Variants in WASHC2C observed in about 807,000 individuals in gnomAD.
WASHC2C encodes WASH complex subunit 2C.
In WASHC2C, 73 loss-of-function variants were observed where a neutral mutation model predicts 142.2. The ratio of observed to expected loss-of-function variants is 0.51; its 90% CI spans 0.43 to 0.62. The LOEUF (loss-of-function observed/expected upper bound fraction) is 0.62. Among genes scored for constraint, WASHC2C ranks in the 20% least tolerant of loss-of-function variants. WASHC2C has a pLI of 0.00. For missense variants in WASHC2C, 969 were observed against 1,531.7 expected (o/e 0.63, Z 6.13); for synonymous variants, 337 against 565.5 (o/e 0.60, Z 5.73).
At position 45,751,741 on chromosome 10, in the gene WASHC2C, G is replaced by T. The variant is rs575311424; in HGVS notation, c.1003+188G>T. ...ACATGTAATCCCAGCGCTTTGGGAG[G>T]CCGAGGCGGGTGGATCATGAGGTCA... is the stretch of plus-strand genomic sequence containing the variant. On this transcript the variant is annotated intron_variant, in intron 11 of 30. Coordinates refer to ENST00000623400, the MANE Select transcript of WASHC2C (RefSeq NM_001330074.2). Among the ~76,000 whole-genome samples the T allele has an allele frequency of 2.0e-5, 3 of 152,322 alleles. No homozygotes were observed. The South Asian group carries it at 6.2e-4, about 32-fold the overall frequency.
rs536501609 is a variant in WASHC2C, at chr10:45,731,313, C to T, written c.291+2287C>T. ...TCGGCTCACTGCAACATCCGCCTCC[C>T]GTGTTCAAGCAATTCTCCTGCCCAC... is the stretch of plus-strand genomic sequence containing the variant. On this transcript the variant is annotated intron_variant, in intron 3 of 30. Transcript: ENST00000623400. Among the ~76,000 whole-genome samples, 34 of 132,832 alleles carry T rather than the reference C, an allele frequency of 2.6e-4. No homozygotes were observed. The East Asian group carries it at 2.6e-3, about 10-fold the overall frequency. The allele number at this position is 132,832 out of a possible 152,430, so 87.1% of individuals were successfully genotyped here. A position where few individuals can be genotyped will look rare whatever the true frequency, so the allele number is the denominator to read the frequency against.
Position 45,784,301 on chromosome 10 carries a change from T to TATAC in WASHC2C, c.2479-261_2479-260insCATA, listed in dbSNP as rs1564820642. 4.1e-3 allele frequency among the ~76,000 whole-genome samples: 330 copies of TATAC among 79,794 alleles called. 1 individual carries two copies. Among genetic ancestry groups the TATAC allele is most frequent in the African/African-American group, 0.015 (299 of 20,014 alleles). The allele number at this position is 79,794 out of a possible 152,430, so 52.3% of individuals were successfully genotyped here. ...ATATATATATATATACACATATATA[T>TATAC]ATATATATATACACACACATATATA... On this transcript the variant is annotated intron_variant, in intron 23 of 30. Transcript: ENST00000623400.
At chr10:45,731,590 C>T (rs1330007548) in intron 3 of WASHC2C, among the ~76,000 whole-genome samples, 1 of 150,154 alleles carries the variant, frequency 6.7e-6, no homozygotes, top group Non-Finnish European at 1.5e-5. Context: ...TGCCCCTTCG[C>T]CTTCCAGTCT....
chr10:45,785,543 A>G lies in WASHC2C; in HGVS notation c.2723A>G (p.His908Arg). ...AAAAAGAGAGTAGTGAAAAAAGACC[A>G]CTCTGTTAACTCTTTCAAAAACCAG... is the stretch of plus-strand genomic sequence containing the variant. The part of the protein sequence containing the change: ...QEKKRVVKKD[H>R]SVNSFKNQKH... Residue 908 changes from histidine (H) to arginine (R), a missense_variant, in exon 26 of 31, where the codon CAC (histidine) becomes CGC (arginine). By Grantham distance (29) the His-to-Arg change is conservative (BLOSUM62 0). Coordinates refer to ENST00000623400, the MANE Select transcript of WASHC2C (RefSeq NM_001330074.2). 6.2e-7 allele frequency: 1 copy of G among 1,613,872 alleles called. No homozygotes were observed. Among genetic ancestry groups the G allele is most frequent in the Non-Finnish European group, 8.5e-7 (1 of 1,179,852 alleles).
chr10:45,758,606 C>CTT (rs60416109), intron 16 of WASHC2C, among the ~76,000 whole-genome samples: 35 of 128,128 alleles, frequency 2.7e-4, no homozygotes, highest in Non-Finnish European at 2.9e-4. Flanking sequence ...CATTCTTCTT[C>CTT]TTTTTTTTTT....
chr10:45,779,141 C>A lies in WASHC2C; in HGVS notation c.2478+6C>A. ...CACAGAAAGAAGTAGGAAAGGTAAG[C>A]AAAAAGCAGTAGTGGTTCAAGTCTC... is the stretch of plus-strand genomic sequence containing the variant. On this transcript the variant is annotated splice_donor_region_variant and intron_variant, in intron 23 of 30. Coordinates refer to ENST00000623400, the MANE Select transcript of WASHC2C (RefSeq NM_001330074.2). The A allele has an allele frequency of 6.2e-7, 1 of 1,611,760 alleles. No individual in the cohort carries two copies. Among genetic ancestry groups the A allele is most frequent in the South Asian group, 1.1e-5 (1 of 90,970 alleles).
At chr10:45,784,317 CACAT>C (rs373030010) in intron 23 of WASHC2C, among the ~76,000 whole-genome samples, 3,241 of 57,252 alleles carry the variant, frequency 0.057, 114 homozygotes, top group East Asian at 0.094. Flanking sequence ...TATATACACA[CACAT>C]ATATATATAT....
intron 18 of WASHC2C, among the ~76,000 whole-genome samples, chr10:45,765,431 G>T (rs541106214): frequency 1.1e-3 from 159 of 150,018 alleles, no homozygotes; most frequent in African/African-American, 3.7e-3. Context: ...GATCTCATTT[G>T]CATGTTGTTC....
intron 7 of WASHC2C, 151 bp from the exon 8 acceptor site, chr10:45,746,449 G>C: frequency 1.1e-6 from 1 of 930,378 alleles, no homozygotes; most frequent in Non-Finnish European, 1.8e-6. Context: ...GATACTTAAG[G>C]TGACCAGTAG....
chr10:45,762,455 C>G (rs2055237369), intron 17 of WASHC2C, among the ~76,000 whole-genome samples: 1 of 151,840 alleles, frequency 6.6e-6, no homozygotes, highest in Non-Finnish European at 1.5e-5. Context: ...CCCAGCCTCC[C>G]AAAATGCTGG....
intron 15 of WASHC2C, among the ~76,000 whole-genome samples, chr10:45,755,427 C>G (rs1180183211): frequency 1.6e-4 from 25 of 152,288 alleles, no homozygotes; most frequent in African/African-American, 5.3e-4. Context: ...TTTTAATCAT[C>G]CTTTCTTCCA....
intron 17 of WASHC2C, among the ~76,000 whole-genome samples, chr10:45,762,551 A>G (rs1447693658): frequency 2.0e-5 from 3 of 152,256 alleles, no homozygotes; most frequent in Non-Finnish European, 2.9e-5. Flanking sequence ...TCATATACCT[A>G]TAGTTAAGCT....
At chr10:45,791,527 T>G (rs1238056882) in intron 30 of WASHC2C, among the ~76,000 whole-genome samples, 3 of 146,344 alleles carry the variant, frequency 2.0e-5, no homozygotes, top group Admixed American at 1.4e-4. Flanking sequence ...TTAATGTCTT[T>G]TCATGTCAGT....
rs1325617481 is a variant in WASHC2C at position 45,740,700 on chromosome 10, G to A, written c.528+454G>A. On this transcript the variant is annotated intron_variant, in intron 5 of 30. Coordinates refer to ENST00000623400, the MANE Select transcript of WASHC2C (RefSeq NM_001330074.2). ...AGGAAGACTGCAGAAGAACTGAAAG[G>A]CATTTGGGTTGTTTCCGGTTTGGGC... Among the ~76,000 whole-genome samples the A allele has an allele frequency of 2.2e-3, 331 of 152,276 alleles. 1 individual carries two copies. The highest frequency in any genetic ancestry group is 7.6e-3 in the African/African-American group (316 of 41,544).
intron 19 of WASHC2C, among the ~76,000 whole-genome samples, chr10:45,768,661 T>TA (rs1432436029): frequency 1.3e-5 from 2 of 152,216 alleles, no homozygotes; most frequent in Non-Finnish European, 2.9e-5. Context: ...AGACTTGTGG[T>TA]AAAAGGATTA....
At chr10:45,782,494 T>C (rs1554888314) in intron 23 of WASHC2C, among the ~76,000 whole-genome samples, 3 of 148,774 alleles carry the variant, frequency 2.0e-5, no homozygotes, top group Non-Finnish European at 4.5e-5. Flanking sequence ...TAAATGGAAA[T>C]TCTCATTCCT....
intron 4 of WASHC2C, among the ~76,000 whole-genome samples, chr10:45,738,571 T>G (rs1402682099): frequency 6.6e-6 from 1 of 151,992 alleles, no homozygotes; most frequent in Admixed American, 6.6e-5. Flanking sequence ...CCTGTAAAGG[T>G]TGGCCCTTTG....
intron 17 of WASHC2C, among the ~76,000 whole-genome samples, chr10:45,763,175 G>C (rs1331026860): frequency 5.3e-5 from 8 of 152,158 alleles, no homozygotes; most frequent in African/African-American, 1.7e-4. Context: ...ACCAGATCCT[G>C]TAGCTCTCCT....
chr10:45,769,047 A>G (rs1214355570), intron 19 of WASHC2C, among the ~76,000 whole-genome samples: 1 of 152,158 alleles, frequency 6.6e-6, no homozygotes, highest in Non-Finnish European at 1.5e-5. Context: ...ACTTAGTTTA[A>G]ATACAACTTA....
Sources: allele counts gnomAD v4.1 joint callset (sites outside exome capture counted in the v4.1 genomes callset), GRCh38; gene constraint gnomAD v4.1.1; transcripts MANE v1.5; gene names NCBI Gene and HGNC (gene_info 2026-07-23, HGNC 2026-07-21).